The following NRXN1 variants were observed in gnomAD, a reference collection of about 807,000 sequenced individuals.
NRXN1 encodes the protein neurexin 1, also known as neurexin-1.
Under a neutral mutation model 150.9 loss-of-function variants are expected in NRXN1, and 39 were observed. The observed-to-expected ratio is 0.26, with a 90% CI of 0.20 to 0.34. The LOEUF is 0.34. Ranked by LOEUF, NRXN1 falls within the 10% of genes least tolerant of loss-of-function variation. The pLI is 1.00. For synonymous variants in NRXN1, 924 were observed against 757.0 expected (o/e 1.22, Z -3.62); for missense variants, 1,815 against 1,949.9 (o/e 0.93, Z 1.30).
intron 17 of NRXN1, among the ~76,000 whole-genome samples, chr2:50,447,737 T>TTTTATATATATATATATA (rs1208594855): frequency 0.011 from 419 of 37,836 alleles, 93 homozygotes; most frequent in African/African-American, 0.043. Flanking sequence ...CAGGGGAACG[T>TTTTATATATATATATATA]TATATATATA....
chr2:50,813,667 T>C (rs1159186267), intron 5 of NRXN1, among the ~76,000 whole-genome samples: 1 of 152,164 alleles, frequency 6.6e-6, no homozygotes, highest in African/African-American at 2.4e-5. Context: ...GCTAGATATG[T>C]TAAAGTACTG....
At chr2:50,057,677 A>G (rs1049522389) in intron 19 of NRXN1, among the ~76,000 whole-genome samples, 21 of 152,200 alleles carry the variant, frequency 1.4e-4, no homozygotes, top group African/African-American at 4.3e-4. Flanking sequence ...GAGGTAGTCA[A>G]GAAAACCTTG....
At chr2:50,645,479 T>C (rs2194389) in intron 5 of NRXN1, among the ~76,000 whole-genome samples, 17,665 of 151,894 alleles carry the variant, frequency 0.12, 1,097 homozygotes, top group African/African-American at 0.16. Flanking sequence ...AACTATAACG[T>C]ATTTATTTAT....
intron 5 of NRXN1, among the ~76,000 whole-genome samples, chr2:50,683,437 C>A (rs563389953): frequency 6.7e-6 from 1 of 149,578 alleles, no homozygotes; most frequent in African/African-American, 2.5e-5. Context: ...TCGAGACCAT[C>A]CTGGCTAACA....
rs764621123 is a variant in NRXN1, at chr2:50,921,868, C to A, written c.832+1G>T. On this transcript the variant is annotated splice_donor_variant, in intron 5 of 22. Coordinates refer to ENST00000401669, the MANE Select transcript of NRXN1 (RefSeq NM_001330078.2). LOFTEE classifies it high-confidence loss of function. ...TAAGAAGAAATAAAATAATGTAATA[C>A]CTTTACTTTTACCTATGGATTTGAT... 1.2e-5 allele frequency: 16 copies of A among 1,377,960 alleles called. No homozygotes were observed. Among genetic ancestry groups the A allele is most frequent in the Non-Finnish European group, 1.6e-5 (16 of 1,025,882 alleles). 85.4% of individuals were successfully genotyped at this position (1,377,960 alleles called of 1,614,324 possible).
rs1667757795 is a variant in NRXN1, at chr2:51,010,952, T to A, written c.772+16550A>T. On this transcript the variant is annotated intron_variant, in intron 2 of 22. Transcript: ENST00000401669. Reference sequence around the variant, plus strand: ...TATGCCACAACATCTGGCTAATTTTTAAAAATGTTTTTGTATCGCGCTTTT... The same window carrying A: ...TATGCCACAACATCTGGCTAATTTTAAAAAATGTTTTTGTATCGCGCTTTT... Among the ~76,000 whole-genome samples the A allele has an allele frequency of 2.6e-5, 4 of 151,964 alleles. No homozygotes were observed. In the South Asian group the frequency reaches 8.3e-4, roughly 31 times the overall value.
chr2:50,378,308 A>T (rs1317405326), intron 17 of NRXN1, among the ~76,000 whole-genome samples: 2 of 152,202 alleles, frequency 1.3e-5, no homozygotes, highest in Non-Finnish European at 2.9e-5. Flanking sequence ...ATAGTCTTCA[A>T]CTTAAGATGG....
At chr2:50,184,678 C>T (rs1368248141) in intron 18 of NRXN1, among the ~76,000 whole-genome samples, 1 of 151,942 alleles carries the variant, frequency 6.6e-6, no homozygotes, top group Non-Finnish European at 1.5e-5. Context: ...TTCATTTGAG[C>T]CTCCAGAGTA....
chr2:50,835,899 A>T (rs1057244348), intron 5 of NRXN1, among the ~76,000 whole-genome samples: 1 of 152,100 alleles, frequency 6.6e-6, no homozygotes, highest in Non-Finnish European at 1.5e-5. Context: ...TCATTTTCTA[A>T]ATCTATAAAA....
At chr2:50,093,420 C>T (rs1699830621) in intron 18 of NRXN1, among the ~76,000 whole-genome samples, 1 of 148,572 alleles carries the variant, frequency 6.7e-6, no homozygotes, top group Non-Finnish European at 1.5e-5. Flanking sequence ...AGTTGGAGAC[C>T]AGCCTGGGAA....
At chr2:50,298,556 C>T (rs1463160363) in intron 17 of NRXN1, among the ~76,000 whole-genome samples, 2 of 151,688 alleles carry the variant, frequency 1.3e-5, no homozygotes, top group African/African-American at 4.8e-5. Context: ...CAAGCAAAAT[C>T]ACCAACTTAA....
chr2:50,744,752 A>C (rs1386689572), intron 5 of NRXN1, among the ~76,000 whole-genome samples: 1 of 152,164 alleles, frequency 6.6e-6, no homozygotes, highest in African/African-American at 2.4e-5. Context: ...TCATAATAAT[A>C]AGATTATGGT....
chr2:50,483,281 C>G (rs1025609530), intron 15 of NRXN1, among the ~76,000 whole-genome samples: 1 of 151,946 alleles, frequency 6.6e-6, no homozygotes, highest in Non-Finnish European at 1.5e-5. Context: ...TGGGAATTTC[C>G]CACTCATTTT....
At chr2:50,320,733 A>G (rs1330957385) in intron 17 of NRXN1, among the ~76,000 whole-genome samples, 1 of 152,120 alleles carries the variant, frequency 6.6e-6, no homozygotes, top group Non-Finnish European at 1.5e-5. Flanking sequence ...AGTAGGGGCT[A>G]TGACCGTGAG....
chr2:50,998,822 T>C (rs995411234), intron 2 of NRXN1, among the ~76,000 whole-genome samples: 2 of 152,090 alleles, frequency 1.3e-5, no homozygotes, highest in African/African-American at 4.8e-5. Flanking sequence ...ATTCTTGTTT[T>C]GCACATATAG....
Position 50,214,899 on chromosome 2 carries a change from G to A in NRXN1, c.3546+21890C>T, listed in dbSNP as rs139119717. On this transcript the variant is annotated intron_variant, in intron 18 of 22. Transcript: ENST00000401669. ...GTGGATAGGAAAGTATTATTATCTC[G>A]ACTTTATAAACTGATGCAGGGTAAA... Among the ~76,000 whole-genome samples the A allele has an allele frequency of 2.2e-4, 33 of 151,882 alleles. No individual in the cohort carries two copies. In the East Asian group the frequency reaches 3.1e-3, roughly 14 times the overall value.
At chr2:50,435,348 A>G (rs968465500) in intron 17 of NRXN1, among the ~76,000 whole-genome samples, 4 of 152,214 alleles carry the variant, frequency 2.6e-5, no homozygotes, top group Non-Finnish European at 4.4e-5. Context: ...AAACTATAAA[A>G]TATATATAAT....
chr2:50,633,163 T>G (rs1682642299), intron 5 of NRXN1, among the ~76,000 whole-genome samples: 1 of 152,138 alleles, frequency 6.6e-6, no homozygotes, highest in African/African-American at 2.4e-5. Context: ...CTATCATGCA[T>G]TCTGGATGTA....
chr2:50,945,062 G>T (rs542199089), intron 2 of NRXN1, among the ~76,000 whole-genome samples: 25 of 152,256 alleles, frequency 1.6e-4, no homozygotes, highest in Middle Eastern at 3.4e-3. Context: ...TGAGGGGTTG[G>T]CAAACTTTTC....
Sources: allele counts gnomAD v4.1 joint callset (sites outside exome capture counted in the v4.1 genomes callset), GRCh38; gene constraint gnomAD v4.1.1; transcripts MANE v1.5; gene names NCBI Gene and HGNC (gene_info 2026-07-23, HGNC 2026-07-21).